Variants in IL17RD observed in about 807,000 individuals in gnomAD.
The protein encoded by IL17RD is interleukin 17 receptor D, also known as interleukin-17 receptor D.
IL17RD carries 52 observed loss-of-function variants against 80.5 expected under a neutral mutation model. The ratio of observed to expected loss-of-function variants is 0.65; its 90% CI spans 0.52 to 0.81. The LOEUF is 0.81. Among genes scored for constraint, IL17RD ranks in the 40% least tolerant of loss-of-function variants. IL17RD has a pLI of 0.00. For synonymous variants in IL17RD, 416 were observed against 391.8 expected (o/e 1.06, Z -0.73); for missense variants, 1,024 against 955.1 (o/e 1.07, Z -0.95).
At chr3:57,111,398 G>A (rs879794550) in intron 3 of IL17RD, among the ~76,000 whole-genome samples, 1 of 152,038 alleles carries the variant, frequency 6.6e-6, no homozygotes, top group Non-Finnish European at 1.5e-5. Flanking sequence ...CACAGGTATC[G>A]ACTCTGCCAT....
Position 57,104,479 on chromosome 3 carries a change from C to T in IL17RD, c.748-72G>A. ...GGTCTTCAGGACACCTCTTCTCCCC[C>T]AGAGCTGAAGGAGACTTGCCACCAG... On this transcript the variant is annotated intron_variant, in intron 7 of 12. Transcript: ENST00000296318. 3 of 1,002,802 alleles carry T rather than the reference C, an allele frequency of 3.0e-6. No homozygotes were observed. The South Asian group carries it at 4.2e-5, about 14-fold the overall frequency. 62.1% of individuals were successfully genotyped at this position (1,002,802 alleles called of 1,614,324 possible).
chr3:57,123,308 C>T (rs989560020), intron 1 of IL17RD, among the ~76,000 whole-genome samples: 9 of 152,236 alleles, frequency 5.9e-5, no homozygotes, highest in African/African-American at 1.7e-4. Flanking sequence ...CGCTCCCCTG[C>T]TTTGAGCCCT....
chr3:57,104,102 T>G (rs1706898119), intron 8 of IL17RD, among the ~76,000 whole-genome samples: 1 of 152,210 alleles, frequency 6.6e-6, no homozygotes, highest in Non-Finnish European at 1.5e-5. Context: ...ACTAGAGATT[T>G]TAAACCATGG....
intron 11 of IL17RD, among the ~76,000 whole-genome samples, chr3:57,100,906 T>C (rs1706812126): frequency 6.6e-6 from 1 of 152,230 alleles, no homozygotes; most frequent in South Asian, 2.1e-4. Flanking sequence ...GTCTTCTTAA[T>C]GCTTACAAAA....
intron 5 of IL17RD, among the ~76,000 whole-genome samples, chr3:57,106,465 G>C (rs1049395608): frequency 6.6e-6 from 1 of 152,218 alleles, no homozygotes; most frequent in African/African-American, 2.4e-5. Context: ...GCAGAGCTAT[G>C]TTCATGCTAC....
At chr3:57,110,057 G>C (rs566589219) in intron 4 of IL17RD, 136 bp downstream of exon 4, 6 of 933,804 alleles carry the variant, frequency 6.4e-6, no homozygotes, top group Middle Eastern at 2.9e-4. Flanking sequence ...AGGTGCTGCT[G>C]TACCATTCTT....
intron 1 of IL17RD, among the ~76,000 whole-genome samples, chr3:57,150,826 A>G (rs1708044426): frequency 6.6e-6 from 1 of 152,240 alleles, no homozygotes; most frequent in South Asian, 2.1e-4. Flanking sequence ...AAGAGTCAGC[A>G]TCTTCTCAGA....
At chr3:57,128,785 G>A (rs1418870572) in intron 1 of IL17RD, among the ~76,000 whole-genome samples, 4 of 151,910 alleles carry the variant, frequency 2.6e-5, no homozygotes, top group African/African-American at 9.7e-5. Context: ...TATCAACACA[G>A]ACACACACAC....
At chr3:57,148,012 G>C (rs1023053189) in intron 1 of IL17RD, among the ~76,000 whole-genome samples, 1 of 136,012 alleles carries the variant, frequency 7.4e-6, no homozygotes, top group Non-Finnish European at 1.5e-5. Flanking sequence ...AAGAAGTCAA[G>C]TTTTCATATA....
chr3:57,114,538 C>G (rs919566722), intron 3 of IL17RD, among the ~76,000 whole-genome samples, 154 bp downstream of exon 3: 1 of 152,212 alleles, frequency 6.6e-6, no homozygotes, highest in Non-Finnish European at 1.5e-5. Flanking sequence ...GTACGCCCAG[C>G]AAATATATGC....
chr3:57,137,165 G>T (rs1707747582), intron 1 of IL17RD, among the ~76,000 whole-genome samples: 1 of 152,158 alleles, frequency 6.6e-6, no homozygotes, highest in African/African-American at 2.4e-5. Flanking sequence ...ATTTCTCAGG[G>T]ATGACACAGA....
chr3:57,120,572 T>C (rs1707314757), intron 1 of IL17RD, among the ~76,000 whole-genome samples: 1 of 152,232 alleles, frequency 6.6e-6, no homozygotes, highest in Non-Finnish European at 1.5e-5. Flanking sequence ...CAGGCTGTTC[T>C]ATGTTTAGGG....
At position 57,102,522 on chromosome 3, in the gene IL17RD, T is replaced by C; in HGVS notation, c.936A>G (p.Ala312=). The C allele has an allele frequency of 6.3e-7, 1 of 1,578,822 alleles. No individual in the cohort carries two copies. The highest frequency in any genetic ancestry group is 8.7e-7 in the Non-Finnish European group (1 of 1,154,570). The stretch of plus-strand genomic sequence containing the variant: ...ACATCACAGTGAAGAGCGTCGCGAA[T>C]GCCGATATGACTACCAGTGGCACTG... ...AITVPLVVIS[A]FATLFTVMCR... Residue 312 remains alanine (A), a synonymous_variant, in exon 10 of 13, where the codon GCA becomes GCG. Coordinates refer to ENST00000296318, the MANE Select transcript of IL17RD (RefSeq NM_017563.5).
rs76617841 is a variant in IL17RD at position 57,126,089 on chromosome 3, C to T, written c.127-5776G>A. ...TCAAGAAACAATCCCAAGCTTTTAG[C>T]TACTATACCATTTTTGATATTTAAT... On this transcript the variant is annotated intron_variant, in intron 1 of 12. Transcript: ENST00000296318. Among the ~76,000 whole-genome samples the T allele has an allele frequency of 8.4e-3, 1,283 of 152,294 alleles. 75 individuals are homozygous for T. In the East Asian group the frequency reaches 0.16, roughly 19 times the overall value.
In IL17RD at chr3:57,102,525, C is replaced by T. The variant is rs776069493; in HGVS notation, c.933G>A (p.Ser311=). The change falls in exon 10 of 13, where the codon TCG becomes TCA. Residue 311 remains serine (S), a synonymous_variant. Coordinates refer to ENST00000296318, the MANE Select transcript of IL17RD (RefSeq NM_017563.5). ...VAITVPLVVI[S]AFATLFTVMC... is the part of the protein sequence containing the mutation. ...TCACAGTGAAGAGCGTCGCGAATGCCGATATGACTACCAGTGGCACTGTGA... is the reference window on the plus strand; with the variant it reads ...TCACAGTGAAGAGCGTCGCGAATGCTGATATGACTACCAGTGGCACTGTGA... The T allele has an allele frequency of 2.5e-6, 4 of 1,578,348 alleles. No homozygotes were observed. Among genetic ancestry groups the T allele is most frequent in the African/African-American group, 2.7e-5 (2 of 73,812 alleles).
In IL17RD at chr3:57,130,667, C is replaced by G. The variant is rs76475838; in HGVS notation, c.127-10354G>C. On this transcript the variant is annotated intron_variant, in intron 1 of 12. Coordinates refer to ENST00000296318, the MANE Select transcript of IL17RD (RefSeq NM_017563.5). ...GAAACAGGAGTAAAGCCTCCTGTTT[C>G]ACGGCCCTGCCCGGCCCAGGGGTGA... is the stretch of plus-strand genomic sequence containing the variant. 8.6e-3 allele frequency among the ~76,000 whole-genome samples: 1,314 copies of G among 152,304 alleles called. 10 individuals carry two copies. Among genetic ancestry groups the G allele is most frequent in the African/African-American group, 0.03 (1,258 of 41,562 alleles).
At chr3:57,119,326 T>C (rs1394834060) in intron 2 of IL17RD, among the ~76,000 whole-genome samples, 1 of 147,492 alleles carries the variant, frequency 6.8e-6, no homozygotes, top group African/African-American at 2.5e-5. Flanking sequence ...CACTCCAGCC[T>C]GGGCGACAGA....
chr3:57,170,021 G>T (rs1253866102), upstream of IL17RD, among the ~76,000 whole-genome samples: 1 of 152,224 alleles, frequency 6.6e-6, no homozygotes. Flanking sequence ...GGACCGCCTT[G>T]CCTGGGACGA....
chr3:57,166,553 C>G (rs528660248), upstream of IL17RD, among the ~76,000 whole-genome samples: 1 of 149,862 alleles, frequency 6.7e-6, no homozygotes, highest in East Asian at 2.0e-4. Context: ...CCACCACCAC[C>G]AACAAAAAAA....
Sources: allele counts gnomAD v4.1 joint callset (sites outside exome capture counted in the v4.1 genomes callset), GRCh38; gene constraint gnomAD v4.1.1; transcripts MANE v1.5; gene names NCBI Gene and HGNC (gene_info 2026-07-23, HGNC 2026-07-21).